EYA4: variants seen among roughly 807,000 people sequenced by gnomAD.
The protein encoded by EYA4 is protein phosphatase EYA4.
EYA4 carries 31 observed loss-of-function variants against 87.9 expected under a neutral mutation model. That is an observed-to-expected ratio of 0.35 (90% CI 0.27 to 0.48). EYA4 has a LOEUF of 0.48. Among genes scored for constraint, EYA4 ranks in the 20% least tolerant of loss-of-function variants. EYA4 has a pLI of 0.99. For missense variants in EYA4, 678 were observed against 761.4 expected (o/e 0.89, Z 1.29); for synonymous variants, 263 against 270.6 (o/e 0.97, Z 0.28).
At chr6:133,419,828 A>G (rs1378639879) in intron 3 of EYA4, among the ~76,000 whole-genome samples, 4 of 152,210 alleles carry the variant, frequency 2.6e-5, no homozygotes, top group Admixed American at 1.3e-4. Flanking sequence ...TTCATCTTGC[A>G]TCTGTGGTGC....
chr6:133,266,947 A>G (rs902952273), intron 1 of EYA4, among the ~76,000 whole-genome samples: 1 of 152,198 alleles, frequency 6.6e-6, no homozygotes, highest in African/African-American at 2.4e-5. Flanking sequence ...TTAAATACCT[A>G]AAATTTGCTA....
At chr6:133,394,284 GTTTTTT>G (rs869103311) in intron 3 of EYA4, among the ~76,000 whole-genome samples, 43 of 17,864 alleles carry the variant, frequency 2.4e-3, no homozygotes, top group Admixed American at 7.8e-3. Context: ...ATAAGCTTGT[GTTTTTT>G]TTTTTTTTTT....
chr6:133,261,367 G>C (rs1297415528), intron 1 of EYA4, among the ~76,000 whole-genome samples: 3 of 152,104 alleles, frequency 2.0e-5, no homozygotes, highest in South Asian at 4.1e-4. Context: ...TCCTGCTTTT[G>C]CCAACTTAAA....
At chr6:133,376,356 T>C (rs1424588767) in intron 2 of EYA4, among the ~76,000 whole-genome samples, 2 of 151,866 alleles carry the variant, frequency 1.3e-5, no homozygotes, top group Admixed American at 1.3e-4. Context: ...ATCTCGAATT[T>C]ATAGTTGCTG....
chr6:133,373,690 G>A (rs1018333573), intron 2 of EYA4, among the ~76,000 whole-genome samples: 5 of 151,956 alleles, frequency 3.3e-5, no homozygotes, highest in African/African-American at 1.2e-4. Flanking sequence ...TGACACCCAG[G>A]ACGGCAAAGA....
At chr6:133,401,909 T>G (rs957066276) in intron 3 of EYA4, among the ~76,000 whole-genome samples, 2 of 152,106 alleles carry the variant, frequency 1.3e-5, no homozygotes, top group Admixed American at 6.6e-5. Flanking sequence ...AACTCAATAT[T>G]TTAGTAGTCA....
chr6:133,318,542 G>A lies in EYA4; in HGVS notation c.33+43729G>A, dbSNP rs891033786. Reference sequence around the variant, plus strand: ...TCCCATCTGATAAAACTTGAGGTTGGTTTATTCTGTTTCCAGATGCTCTTT... The same window carrying A: ...TCCCATCTGATAAAACTTGAGGTTGATTTATTCTGTTTCCAGATGCTCTTT... On this transcript the variant is annotated intron_variant, in intron 2 of 19. Transcript: ENST00000355286. Among the ~76,000 whole-genome samples the A allele has an allele frequency of 7.9e-5, 12 of 151,592 alleles. 1 individual carries two copies. The highest frequency in any genetic ancestry group is 1.5e-4 in the Non-Finnish European group (10 of 67,926).
chr6:133,506,060 G>A (rs753736349), intron 13 of EYA4, 46 bp from the exon 14 acceptor site: 5 of 1,065,862 alleles, frequency 4.7e-6, no homozygotes, highest in Non-Finnish European at 7.4e-6. Flanking sequence ...TTAATAATAA[G>A]CGCTTACTGA....
At chr6:133,385,391 C>CTCTGTGTG (rs1167048788) in intron 3 of EYA4, among the ~76,000 whole-genome samples, 1 of 115,336 alleles carries the variant, frequency 8.7e-6, no homozygotes, top group East Asian at 2.5e-4. Context: ...TATGCTCTCT[C>CTCTGTGTG]TGTGTGTGTG....
chr6:133,479,375 T>G (rs1168395803), intron 11 of EYA4, among the ~76,000 whole-genome samples: 2 of 152,196 alleles, frequency 1.3e-5, no homozygotes, highest in East Asian at 3.9e-4. Context: ...TGAACTATGC[T>G]GGCAATATTT....
chr6:133,478,242 G>A (rs1795910375), intron 11 of EYA4, among the ~76,000 whole-genome samples: 1 of 152,066 alleles, frequency 6.6e-6, no homozygotes, highest in African/African-American at 2.4e-5. Flanking sequence ...CTGGAAAAAA[G>A]TCAGTGTCTG....
intron 2 of EYA4, among the ~76,000 whole-genome samples, chr6:133,283,970 A>G (rs1272233934): frequency 1.3e-5 from 2 of 152,202 alleles, no homozygotes; most frequent in African/African-American, 4.8e-5. Flanking sequence ...TGTTTCACTT[A>G]AGATAATGGC....
intron 17 of EYA4, among the ~76,000 whole-genome samples, chr6:133,517,096 G>A (rs1328758176): frequency 6.6e-6 from 1 of 152,082 alleles, no homozygotes; most frequent in African/African-American, 2.4e-5. Flanking sequence ...TCGCCACACT[G>A]CCTTCCACAA....
chr6:133,349,503 A>AT (rs1309053974), intron 2 of EYA4, among the ~76,000 whole-genome samples: 1 of 152,344 alleles, frequency 6.6e-6, no homozygotes, highest in Non-Finnish European at 1.5e-5. Context: ...AAAGAATGGC[A>AT]TTTGAGTTTT....
At chr6:133,298,840 A>T (rs556892226) in intron 2 of EYA4, among the ~76,000 whole-genome samples, 33 of 152,330 alleles carry the variant, frequency 2.2e-4, no homozygotes, top group African/African-American at 7.2e-4. Flanking sequence ...CATGCGGTTC[A>T]TCCTGATAAA....
intron 2 of EYA4, among the ~76,000 whole-genome samples, chr6:133,333,525 G>A (rs1244702031): frequency 6.6e-6 from 1 of 152,154 alleles, no homozygotes; most frequent in Non-Finnish European, 1.5e-5. Context: ...CCTATTAATT[G>A]ACTAAGACAT....
chr6:133,345,255 C>T (rs1476558297), intron 2 of EYA4, among the ~76,000 whole-genome samples: 1 of 152,130 alleles, frequency 6.6e-6, no homozygotes, highest in Non-Finnish European at 1.5e-5. Context: ...TAATTAAATA[C>T]TGCAGCTGTT....
At chr6:133,319,620 C>G (rs1441615577) in intron 2 of EYA4, among the ~76,000 whole-genome samples, 2 of 151,632 alleles carry the variant, frequency 1.3e-5, no homozygotes, top group African/African-American at 4.8e-5. Flanking sequence ...CTTTCTAACC[C>G]CATGTTCTCG....
rs147421649 is a variant in EYA4, at chr6:133,337,958, T to C, written c.34-44434T>C. Among the ~76,000 whole-genome samples the C allele has an allele frequency of 2.2e-3, 341 of 152,280 alleles. 1 individual carries two copies. The highest frequency in any genetic ancestry group is 3.4e-3 in the Middle Eastern group (1 of 294). On this transcript the variant is annotated intron_variant, in intron 2 of 19. Transcript: ENST00000355286. ...GGTGACTTTCTGAGTTGGTGAAAGATTTACCCAACAGCTGTAGTTAGCCAA... is the reference window on the plus strand; with the variant it reads ...GGTGACTTTCTGAGTTGGTGAAAGACTTACCCAACAGCTGTAGTTAGCCAA...
Sources: gnomAD v4.1 joint callset for allele counts (sites outside exome capture counted in the v4.1 genomes callset) on GRCh38, gnomAD v4.1.1 for gene constraint, MANE v1.5 for transcripts, NCBI Gene and HGNC (gene_info 2026-07-23, HGNC 2026-07-21) for gene names.